FAT4: variants seen among roughly 807,000 people sequenced by gnomAD.
FAT4 encodes the protein FAT atypical cadherin 4.
In FAT4, 84 loss-of-function variants were observed where a neutral mutation model predicts 303.9. The observed-to-expected ratio is 0.28, with a 90% CI of 0.23 to 0.33. The LOEUF is 0.33. Ranked by LOEUF, FAT4 falls within the 10% of genes least tolerant of loss-of-function variation. FAT4 has a pLI of 1.00. For synonymous variants in FAT4, 2,307 were observed against 2,298.8 expected (o/e 1.00, Z -0.10); for missense variants, 6,005 against 6,146.8 (o/e 0.98, Z 0.77).
At chr4:125,471,644 A>G (rs924634087) in intron 12 of FAT4, among the ~76,000 whole-genome samples, 6 of 151,986 alleles carry the variant, frequency 3.9e-5, no homozygotes, top group African/African-American at 1.4e-4. Context: ...TATCTTCACA[A>G]CTATCTCTCC....
Position 125,334,459 on chromosome 4 carries a change from C to T in FAT4, c.5175+12873C>T, listed in dbSNP as rs79483269. On this transcript the variant is annotated intron_variant, in intron 2 of 17. Transcript: ENST00000394329. ...TGACACTGCTTCTAAATCCTTTGCA[C>T]AATTCTGAGAAATTGCTTCCTATCA... Among the ~76,000 whole-genome samples, 66 of 152,216 alleles carry T rather than the reference C, an allele frequency of 4.3e-4. No individual in the cohort carries two copies. The East Asian group carries it at 0.012, about 27-fold the overall frequency.
In FAT4 at chr4:125,398,780, G is replaced by A; in HGVS notation, c.5176-4G>A. Reference sequence around the variant, plus strand: ...TTCACACATTGTTTCCTTTTTCTTTGTAGGTAGAAATAACACTTCAGGATA... The same window carrying A: ...TTCACACATTGTTTCCTTTTTCTTTATAGGTAGAAATAACACTTCAGGATA... On this transcript the variant is annotated splice_polypyrimidine_tract_variant and splice_region_variant and intron_variant, in intron 2 of 17. Transcript: ENST00000394329. The A allele has an allele frequency of 2.5e-6, 4 of 1,612,136 alleles. No homozygotes were observed. The highest frequency in any genetic ancestry group is 3.4e-6 in the Non-Finnish European group (4 of 1,178,810).
At chr4:125,482,808 T>A (rs1243249857) in intron 16 of FAT4, among the ~76,000 whole-genome samples, 1 of 152,178 alleles carries the variant, frequency 6.6e-6, no homozygotes, top group Non-Finnish European at 1.5e-5. Context: ...AAAATTTTTC[T>A]CTGTGCAAGC....
At chr4:125,397,528 G>A (rs1425738341) in intron 2 of FAT4, among the ~76,000 whole-genome samples, 2 of 152,112 alleles carry the variant, frequency 1.3e-5, no homozygotes, top group Non-Finnish European at 2.9e-5. Flanking sequence ...AGACTTGCCT[G>A]TCTTCACCAT....
rs1304629534 is a variant in FAT4, at chr4:125,415,700, G to A, written c.6737G>A (p.Ser2246Asn). 1 of 1,613,968 alleles carries A rather than the reference G, an allele frequency of 6.2e-7. No individual in the cohort carries two copies. Among genetic ancestry groups the A allele is most frequent in the Non-Finnish European group, 8.5e-7 (1 of 1,179,924 alleles). Reference protein sequence around the residue: ...STPRTDTSTVSIVLLDINDFV... With the variant: ...STPRTDTSTVNIVLLDINDFV... ...CCCAGAACTGATACCTCCACGGTCA[G>A]CATTGTTCTACTGGATATTAATGAC... The change falls in exon 6 of 18, where the codon AGC (serine) becomes AAC (asparagine). Residue 2246 changes from serine to asparagine, a missense_variant. Physicochemically the swap from Ser to Asn is conservative, Grantham distance 46. Coordinates refer to ENST00000394329, the MANE Select transcript of FAT4 (RefSeq NM_001291303.3).
chr4:125,347,838 C>T (rs1208154101), intron 2 of FAT4, among the ~76,000 whole-genome samples: 3 of 151,712 alleles, frequency 2.0e-5, no homozygotes, highest in African/African-American at 7.3e-5. Context: ...AATTAATTGA[C>T]TTTTGGATTT....
chr4:125,327,135 G>A (rs930114022), intron 2 of FAT4, among the ~76,000 whole-genome samples: 2 of 152,192 alleles, frequency 1.3e-5, no homozygotes, highest in Non-Finnish European at 1.5e-5. Flanking sequence ...GGCATCATTA[G>A]TGGTGGTAGC....
intron 2 of FAT4, among the ~76,000 whole-genome samples, chr4:125,332,303 A>G (rs969849850): frequency 1.3e-5 from 2 of 151,974 alleles, no homozygotes; most frequent in South Asian, 4.1e-4. Context: ...CCAGGTTTAT[A>G]TGACTTTGGT....
At position 125,434,351 on chromosome 4, in the gene FAT4, G is replaced by A. The variant is rs771379827; in HGVS notation, c.7125G>A (p.Glu2375=). 8.1e-6 allele frequency: 13 copies of A among 1,613,886 alleles called. No individual in the cohort carries two copies. In the Middle Eastern group the frequency reaches 4.9e-4, roughly 61 times the overall value. ...ASKAYFTTIP[E]DAPTGTDVLL... ...AAGCGTATTTCACAACAATTCCTGA[G>A]GATGCACCAACTGGAACAGATGTTT... The change falls in exon 8 of 18, where the codon GAG becomes GAA. Residue 2375 remains glutamate (E), a synonymous_variant. Coordinates refer to ENST00000394329, the MANE Select transcript of FAT4 (RefSeq NM_001291303.3).
intron 2 of FAT4, among the ~76,000 whole-genome samples, chr4:125,362,351 T>G (rs1388552008): frequency 6.6e-6 from 1 of 152,158 alleles, no homozygotes; most frequent in Admixed American, 6.6e-5. Context: ...GAGAACATTC[T>G]GAGAACCTAG....
At chr4:125,411,450 C>G (rs529890322) in intron 5 of FAT4, among the ~76,000 whole-genome samples, 15 of 151,850 alleles carry the variant, frequency 9.9e-5, no homozygotes, top group African/African-American at 3.6e-4. Flanking sequence ...GCTAATAATA[C>G]AATTGGAATT....
intron 2 of FAT4, among the ~76,000 whole-genome samples, chr4:125,363,171 GGAATAA>G (rs1328809817): frequency 5.9e-5 from 9 of 152,056 alleles, no homozygotes; most frequent in African/African-American, 2.2e-4. Context: ...GGTGTCCTTA[GGAATAA>G]ATGCATAATT....
At chr4:125,370,749 A>C (rs1456978336) in intron 2 of FAT4, among the ~76,000 whole-genome samples, 1 of 152,192 alleles carries the variant, frequency 6.6e-6, no homozygotes, top group African/African-American at 2.4e-5. Context: ...AAAATTTTTC[A>C]AATTTTCAAA....
chr4:125,372,971 C>T (rs745474100), intron 2 of FAT4, among the ~76,000 whole-genome samples: 10 of 152,110 alleles, frequency 6.6e-5, no homozygotes, highest in Non-Finnish European at 4.4e-5. Flanking sequence ...ACTCTAAGCC[C>T]GACAACTTCG....
intron 2 of FAT4, among the ~76,000 whole-genome samples, chr4:125,391,026 G>T (rs1168058315): frequency 1.3e-5 from 2 of 152,120 alleles, no homozygotes; most frequent in African/African-American, 4.8e-5. Context: ...AACAATAGAT[G>T]CTTCTGAGGC....
In FAT4 at chr4:125,449,893, T is replaced by C. The variant is rs1257479399; in HGVS notation, c.8883T>C (p.Gly2961=). The stretch of plus-strand genomic sequence containing the variant: ...TTATAGTGACATCTTCAGATCGAGG[T>C]AAACCTTCCTTAATTAGTGAGACAA... ...HSFIVTSSDR[G]KPSLISETTV... The change falls in exon 10 of 18, where the codon GGT becomes GGC. Residue 2961 remains glycine (G), a synonymous_variant. Coordinates refer to ENST00000394329, the MANE Select transcript of FAT4 (RefSeq NM_001291303.3). The C allele has an allele frequency of 6.2e-7, 1 of 1,613,840 alleles. No individual in the cohort carries two copies. The highest frequency in any genetic ancestry group is 2.2e-5 in the East Asian group (1 of 44,866).
At position 125,476,161 on chromosome 4, in the gene FAT4, T is replaced by G; in HGVS notation, c.12214-10T>G. On this transcript the variant is annotated splice_polypyrimidine_tract_variant and intron_variant, in intron 12 of 17. Transcript: ENST00000394329. Reference sequence around the variant, plus strand: ...CTCAAAGTTGAATGTTTCTTTCTCTTGCTTCGTAGGCAGCCTCCTTAACTG... The same window carrying G: ...CTCAAAGTTGAATGTTTCTTTCTCTGGCTTCGTAGGCAGCCTCCTTAACTG... 6.4e-7 allele frequency: 1 copy of G among 1,566,500 alleles called. No individual in the cohort carries two copies. Among genetic ancestry groups the G allele is most frequent in the Non-Finnish European group, 8.7e-7 (1 of 1,143,392 alleles).
Position 125,451,643 on chromosome 4 carries a change from C to A in FAT4, c.10633C>A (p.Pro3545Thr), listed in dbSNP as rs1726078794. The change falls in exon 10 of 18, where the codon CCC becomes ACC. Residue 3545 changes from proline (P) to threonine (T), a missense_variant. Pro to Thr is a conservative substitution (Grantham distance 38, BLOSUM62 -1). Transcript: ENST00000394329. Reference protein sequence around the residue: ...TDPDLPPNQGPFTYYLLSTGP... With the variant: ...TDPDLPPNQGTFTYYLLSTGP... ...CCCTGATCTCCCTCCAAATCAAGGT[C>A]CCTTTACTTATTACTTGCTGAGCAC... 1 of 1,614,018 alleles carries A rather than the reference C, an allele frequency of 6.2e-7. No homozygotes were observed. The highest frequency in any genetic ancestry group is 1.1e-5 in the South Asian group (1 of 91,088).
intron 2 of FAT4, among the ~76,000 whole-genome samples, chr4:125,351,700 A>G (rs1168184158): frequency 6.6e-6 from 1 of 151,736 alleles, no homozygotes; most frequent in African/African-American, 2.4e-5. Context: ...ATGAGTAAGA[A>G]GGCAGAATTT....
Sources: allele counts gnomAD v4.1 joint callset (sites outside exome capture counted in the v4.1 genomes callset), GRCh38; gene constraint gnomAD v4.1.1; transcripts MANE v1.5; gene names NCBI Gene and HGNC (gene_info 2026-07-23, HGNC 2026-07-21).